The following ANAPC5 variants were observed in gnomAD, a reference collection of about 807,000 sequenced individuals.
The protein encoded by ANAPC5 is anaphase-promoting complex subunit 5.
Under a neutral mutation model 91.3 loss-of-function variants are expected in ANAPC5, and 60 were observed. That is an observed-to-expected ratio of 0.66 (90% confidence interval 0.53 to 0.81). The LOEUF is 0.81. Among genes scored for constraint, ANAPC5 ranks in the 40% least tolerant of loss-of-function variants. The pLI is 0.00. For synonymous variants in ANAPC5, 340 were observed against 364.1 expected (o/e 0.93, Z 0.75); for missense variants, 690 against 931.5 (o/e 0.74, Z 3.37).
At chr12:121,352,545 G>A (rs1482057412), upstream of ANAPC5, 1 of 538,714 alleles carries the variant, frequency 1.9e-6, no homozygotes, top group Non-Finnish European at 3.3e-6. Flanking sequence ...GTACAAGAGT[G>A]CGGGGAGGGG....
At chr12:121,310,026 A>G in intron 15 of ANAPC5, 163 bp from the exon 16 acceptor site, 1 of 543,700 alleles carries the variant, frequency 1.8e-6, no homozygotes, top group South Asian at 3.8e-5. Flanking sequence ...AAAACACAAC[A>G]TGTGACAATC....
intron 12 of ANAPC5, 86 bp downstream of exon 12, chr12:121,320,299 T>G (rs1457240163): frequency 1.6e-6 from 2 of 1,284,798 alleles, no homozygotes; most frequent in Admixed American, 3.9e-5. Flanking sequence ...ATTATTTTTC[T>G]GAGGGGAGAT....
rs782069827 is a variant in ANAPC5, at chr12:121,346,950, G to T, written c.343C>A (p.Leu115Ile). 2 of 1,611,940 alleles carry T rather than the reference G, an allele frequency of 1.2e-6. No homozygotes were observed. Among genetic ancestry groups the T allele is most frequent in the Non-Finnish European group, 1.7e-6 (2 of 1,179,474 alleles). The change falls in exon 3 of 17, where the codon CTT becomes ATT. Residue 115 changes from leucine to isoleucine, a missense_variant. Around this residue, in one of 5 missense-constraint regions of ANAPC5, gnomAD observed 238 missense variants for 264.9 expected, o/e 0.90. Transcript: ENST00000261819. ...LKDMEQFFDD[L>I]SDSFSGTEPE... ...TCAGTTCCAGAGAAAGAATCTGAAA[G>T]GTCATCAAAAAACTGTTCCATATCC...
In ANAPC5 at chr12:121,342,080, TAAAA is replaced by T. The variant is rs782198399; in HGVS notation, c.591-15_591-12del. On this transcript the variant is annotated splice_polypyrimidine_tract_variant and intron_variant, in intron 4 of 16. Transcript: ENST00000261819. This position sits in a 1 kb window ranked among gnomAD's most constrained non-coding sequence, Gnocchi z 4.1. ...GATACCTCCTCTTCTCTGGAAAAAATAAAAAAACAAAAATAGTAAAGAATTACAC... is the reference window on the plus strand; with the variant it reads ...GATACCTCCTCTTCTCTGGAAAAAATAAACAAAAATAGTAAAGAATTACAC... The T allele has an allele frequency of 2.5e-6, 4 of 1,577,734 alleles. No homozygotes were observed. In the African/African-American group the frequency reaches 4.1e-5, roughly 16 times the overall value.
At chr12:121,330,159 T>C (rs1902987843) in intron 9 of ANAPC5, among the ~76,000 whole-genome samples, 1 of 152,238 alleles carries the variant, frequency 6.6e-6, no homozygotes, top group African/African-American at 2.4e-5. Flanking sequence ...GATTTTTTTT[T>C]TCTGCAATCA....
chr12:121,337,245 T>C (rs781859411), intron 6 of ANAPC5, 46 bp downstream of exon 6: 7 of 1,511,526 alleles, frequency 4.6e-6, no homozygotes, highest in Non-Finnish European at 5.5e-6. Flanking sequence ...AAAAGTTGCC[T>C]TGTCATTCCT....
intron 3 of ANAPC5, 55 bp from the exon 4 acceptor site, chr12:121,346,086 C>T: frequency 4.3e-6 from 6 of 1,398,862 alleles, no homozygotes; most frequent in Non-Finnish European, 5.9e-6. Flanking sequence ...CCAGGCTACG[C>T]AATGGCAACT....
At chr12:121,337,509 G>T in intron 5 of ANAPC5, 117 bp from the exon 6 acceptor site, 1 of 724,894 alleles carries the variant, frequency 1.4e-6, no homozygotes, top group Non-Finnish European at 2.2e-6. Context: ...TCAGGCTCTG[G>T]CCCCTCATCT....
intron 5 of ANAPC5, 132 bp from the exon 6 acceptor site, chr12:121,337,524 A>C (rs1903292908): frequency 1.3e-5 from 8 of 639,264 alleles, no homozygotes; most frequent in African/African-American, 1.9e-5. Flanking sequence ...TCATCTCGCC[A>C]GCCTTGGCTG....
intron 15 of ANAPC5, 176 bp downstream of exon 15, chr12:121,318,101 C>G (rs1057430990): frequency 1.0e-4 from 67 of 640,156 alleles, no homozygotes; most frequent in Non-Finnish European, 1.5e-4. Context: ...GTCAGTTTGT[C>G]ACCAGGTTCA....
chr12:121,325,989 G>A (rs1213782442), intron 11 of ANAPC5, among the ~76,000 whole-genome samples: 1 of 152,236 alleles, frequency 6.6e-6, no homozygotes, highest in Non-Finnish European at 1.5e-5. Context: ...GAAGAGGGAA[G>A]AAACAAGCGA....
At chr12:121,351,239 G>A in intron 1 of ANAPC5, 1 of 346,050 alleles carries the variant, frequency 2.9e-6, no homozygotes. Flanking sequence ...TGGGCGTAGT[G>A]ACCCGCGCCT....
In ANAPC5 at chr12:121,315,077, TA is replaced by T. The variant is rs1050262119; in HGVS notation, c.1893+3199del. On this transcript the variant is annotated intron_variant, in intron 15 of 16. Transcript: ENST00000261819. ...ACATGATCTTATACATACAAAACCATAAAAAAAAAATCCCCAAAACCTGTTA... is the reference window on the plus strand; with the variant it reads ...ACATGATCTTATACATACAAAACCATAAAAAAAAATCCCCAAAACCTGTTA... Among the ~76,000 whole-genome samples the T allele has an allele frequency of 3.8e-3, 556 of 147,362 alleles. 2 individuals carry two copies. The highest frequency in any genetic ancestry group is 0.013 in the African/African-American group (535 of 40,246).
Position 121,352,221 on chromosome 12 carries a change from C to T in ANAPC5, c.120G>A (p.Leu40=), listed in dbSNP as rs116306489. The stretch of plus-strand genomic sequence containing the variant: ...CGCCTGTGCGGCTCATCTCGTTCAG[C>T]AGCACCAGCACCGCGATCTTGTACG... ...VTPYKIAVLV[L]LNEMSRTGEG... is the part of the protein sequence containing the mutation. Residue 40 remains leucine (L), a synonymous_variant, in exon 1 of 17, where the codon CTG becomes CTA. Coordinates refer to ENST00000261819, the MANE Select transcript of ANAPC5 (RefSeq NM_016237.5). The T allele has an allele frequency of 6.2e-7, 1 of 1,614,062 alleles. No homozygotes were observed. Among genetic ancestry groups the T allele is most frequent in the Non-Finnish European group, 8.5e-7 (1 of 1,180,032 alleles).
chr12:121,318,424 A>G lies in ANAPC5; in HGVS notation c.1746T>C (p.Ser582=). The G allele has an allele frequency of 6.2e-7, 1 of 1,610,980 alleles. No homozygotes were observed. Among genetic ancestry groups the G allele is most frequent in the Non-Finnish European group, 8.5e-7 (1 of 1,178,064 alleles). Residue 582 remains serine, a splice_region_variant and synonymous_variant, in exon 15 of 17, where the codon AGT becomes AGC. Transcript: ENST00000261819. ...QKLKNTEMVI[S]VLLSVAELYW... ...ACAGCTCTGCCACGGACAGTAGGAC[A>G]CTGACCGTAAAGAGGAAAACACAGG...
chr12:121,336,150 T>C (rs1230469936), intron 6 of ANAPC5, among the ~76,000 whole-genome samples: 1 of 152,248 alleles, frequency 6.6e-6, no homozygotes, highest in Non-Finnish European at 1.5e-5. Flanking sequence ...CTTACTAGTT[T>C]ACTAAGTTAA....
chr12:121,333,388 C>A (rs1164485646), intron 7 of ANAPC5: 1 of 152,096 alleles, frequency 6.6e-6, no homozygotes, highest in East Asian at 1.9e-4. Flanking sequence ...AAATTTCTAA[C>A]CCCCAGGGGA....
At chr12:121,354,194 G>T (rs568637035), upstream of ANAPC5, among the ~76,000 whole-genome samples, 51 of 152,006 alleles carry the variant, frequency 3.4e-4, no homozygotes, top group African/African-American at 1.2e-3. Flanking sequence ...TCACCATGTT[G>T]GCCCGGCTGG....
chr12:121,331,458 T>C, intron 7 of ANAPC5, 30 bp from the exon 8 acceptor site: 1 of 1,568,574 alleles, frequency 6.4e-7, no homozygotes, highest in African/African-American at 1.3e-5. Flanking sequence ...TAATATCCCA[T>C]TAATAATCAC....
Sources: allele counts gnomAD v4.1 joint callset (sites outside exome capture counted in the v4.1 genomes callset), GRCh38; gene constraint gnomAD v4.1.1; regional missense constraint gnomAD v4.1.1; non-coding constraint Gnocchi (gnomAD v3.1); transcripts MANE v1.5; gene names NCBI Gene and HGNC (gene_info 2026-07-23, HGNC 2026-07-21).